RPA1: variants seen among roughly 807,000 people sequenced by gnomAD.
RPA1 encodes the protein replication protein A1, also known as replication protein A 70 kDa DNA-binding subunit.
In RPA1, 49 loss-of-function variants were observed where a neutral mutation model predicts 83.0. That is an observed-to-expected ratio of 0.59 (90% confidence interval 0.47 to 0.75). The LOEUF (loss-of-function observed/expected upper bound fraction) is 0.75, where lower values mean the gene tolerates loss of function less well. RPA1 is among the 30% of genes least tolerant of loss of function. RPA1 has a pLI of 0.00. For missense variants in RPA1, 693 were observed against 776.1 expected, an observed-to-expected ratio of 0.89 and a Z score of 1.27; for synonymous variants, 279 against 281.8, an observed-to-expected ratio of 0.99 and a Z score of 0.10.
At chr17:1,853,225 G>A in intron 5 of RPA1, 36 bp downstream of exon 5, 1 of 1,438,456 alleles carries the variant, frequency 7.0e-7, no homozygotes, top group Non-Finnish European at 9.8e-7. Context: ...GCACTCAAAT[G>A]AATACCTCTT....
chr17:1,850,600 TA>T (rs936475112), intron 4 of RPA1, among the ~76,000 whole-genome samples: 3 of 145,224 alleles, frequency 2.1e-5, no homozygotes, highest in East Asian at 2.1e-4. Flanking sequence ...AATCCTGCCT[TA>T]AAAAAAAATC....
chr17:1,885,498 G>T (rs1305252210), intron 13 of RPA1, among the ~76,000 whole-genome samples: 2 of 151,998 alleles, frequency 1.3e-5, no homozygotes, highest in Non-Finnish European at 2.9e-5. Flanking sequence ...TTGAGACAGG[G>T]TCTCATTCTG....
chr17:1,889,269 T>G (rs1457735960), intron 14 of RPA1, among the ~76,000 whole-genome samples: 3 of 152,178 alleles, frequency 2.0e-5, no homozygotes, highest in African/African-American at 7.2e-5. Context: ...TTTTTTGCAT[T>G]TTAAGAATTG....
chr17:1,835,169 C>CAA (rs1379600911), intron 1 of RPA1, among the ~76,000 whole-genome samples: 1 of 151,822 alleles, frequency 6.6e-6, no homozygotes, highest in Non-Finnish European at 1.5e-5. Flanking sequence ...TTTTAAATGA[C>CAA]AGAGTCTTGT....
At chr17:1,833,643 T>C (rs963326081) in intron 1 of RPA1, among the ~76,000 whole-genome samples, 2 of 151,522 alleles carry the variant, frequency 1.3e-5, no homozygotes, top group Admixed American at 1.3e-4. Flanking sequence ...TCACCTGAGA[T>C]TGGGAGTTTG....
At chr17:1,889,857 G>A (rs926529287) in intron 14 of RPA1, among the ~76,000 whole-genome samples, 4 of 151,692 alleles carry the variant, frequency 2.6e-5, no homozygotes, top group African/African-American at 4.8e-5. Context: ...AAAATTAGCC[G>A]GGCGTGGTGG....
chr17:1,872,442 CAGCCGCA>C lies in RPA1; in HGVS notation c.373_379del (p.Pro125Ter), dbSNP rs769917596. 1.9e-6 allele frequency: 3 copies of C among 1,613,850 alleles called. No homozygotes were observed. The Admixed American group carries it at 5.0e-5, about 27-fold the overall frequency. ...TCCCTTTTGATCTTCAGGACTCGGG[CAGCCGCA>C]AGTAGCTCCTCCAGCGCCAGCAGCC... On this transcript the variant is annotated frameshift_variant, in exon 6 of 17. Transcript: ENST00000254719. LOFTEE classifies it high-confidence loss of function.
rs993353195 is a variant in RPA1 at position 1,834,177 on chromosome 17, C to CA, written c.33+4060dup. Among the ~76,000 whole-genome samples the CA allele has an allele frequency of 9.7e-4, 145 of 149,486 alleles. 1 individual carries two copies. Among genetic ancestry groups the CA allele is most frequent in the African/African-American group, 3.2e-3 (129 of 40,796 alleles). ...ACTGGGCGACAGAGTGAGACTGTCT[C>CA]AAAAAAAAATAAAGAATGATCATGG... On this transcript the variant is annotated intron_variant, in intron 1 of 16. Transcript: ENST00000254719.
Position 1,842,795 on chromosome 17 carries a change from T to A in RPA1, c.34-8T>A. ...GTATCTCACACAAACCTGTTTTTAC[T>A]CCCTCAGGCCATCATGCAGAAGGGG... On this transcript the variant is annotated splice_region_variant and splice_polypyrimidine_tract_variant and intron_variant, in intron 1 of 16. Coordinates refer to ENST00000254719, the MANE Select transcript of RPA1 (RefSeq NM_002945.5). The A allele has an allele frequency of 6.2e-7, 1 of 1,613,870 alleles. No individual in the cohort carries two copies. The highest frequency in any genetic ancestry group is 1.3e-5 in the African/African-American group (1 of 75,030).
chr17:1,869,059 C>G (rs1056950452), intron 5 of RPA1, among the ~76,000 whole-genome samples: 1 of 152,192 alleles, frequency 6.6e-6, no homozygotes, highest in African/African-American at 2.4e-5. Context: ...TGGATTGACT[C>G]TTCTACATAT....
intron 5 of RPA1, among the ~76,000 whole-genome samples, chr17:1,863,052 C>T (rs1913045366): frequency 6.6e-6 from 1 of 151,248 alleles, no homozygotes; most frequent in Non-Finnish European, 1.5e-5. Context: ...GAGACAGGTT[C>T]TTGCTTTGCC....
At chr17:1,876,765 T>C (rs1913590614) in intron 7 of RPA1, among the ~76,000 whole-genome samples, 3 of 152,238 alleles carry the variant, frequency 2.0e-5, no homozygotes, top group Non-Finnish European at 4.4e-5. Context: ...TTCAGTGTGT[T>C]CTTCCTGATG....
chr17:1,883,555 G>A (rs2151288919), intron 12 of RPA1, among the ~76,000 whole-genome samples: 1 of 152,248 alleles, frequency 6.6e-6, no homozygotes, highest in South Asian at 2.1e-4. Flanking sequence ...GGTCAAAGCT[G>A]CCTTGAGCCA....
At chr17:1,865,353 G>C (rs563387948) in intron 5 of RPA1, among the ~76,000 whole-genome samples, 2 of 152,242 alleles carry the variant, frequency 1.3e-5, no homozygotes, top group Middle Eastern at 3.4e-3. Flanking sequence ...TACATAGATC[G>C]TGTGAGTGAG....
At position 1,862,662 on chromosome 17, in the gene RPA1, G is replaced by A. The variant is rs140360017; in HGVS notation, c.361+9473G>A. ...TCGATCCCCTGACCTCAAGTGATCCGCCCACCTTGACCTCCTAAAGTGCTA... is the reference window on the plus strand; with the variant it reads ...TCGATCCCCTGACCTCAAGTGATCCACCCACCTTGACCTCCTAAAGTGCTA... On this transcript the variant is annotated intron_variant, in intron 5 of 16. Coordinates refer to ENST00000254719, the MANE Select transcript of RPA1 (RefSeq NM_002945.5). 3.5e-4 allele frequency among the ~76,000 whole-genome samples: 49 copies of A among 140,302 alleles called. No homozygotes were observed. The East Asian group carries it at 9.3e-3, about 27-fold the overall frequency. 92.0% of individuals were successfully genotyped at this position (140,302 alleles called of 152,430 possible).
intron 6 of RPA1, among the ~76,000 whole-genome samples, chr17:1,873,210 G>A (rs780927034): frequency 6.6e-6 from 1 of 152,082 alleles, no homozygotes; most frequent in Non-Finnish European, 1.5e-5. Context: ...GGTGTTTATC[G>A]TTTGCTTGAA....
Position 1,897,801 on chromosome 17 carries a change from A to G in RPA1, c.*626A>G, listed in dbSNP as rs987444372. ...ATAGACTGAGTCAGATGGGTCTGAT[A>G]TTAATCAAAATTGTCTCTTCTGAGG... On this transcript the variant is annotated 3_prime_UTR_variant, in exon 17 of 17. Coordinates refer to ENST00000254719, the MANE Select transcript of RPA1 (RefSeq NM_002945.5). The G allele has an allele frequency of 3.3e-5, 5 of 152,998 alleles. No individual in the cohort carries two copies. Among genetic ancestry groups the G allele is most frequent in the African/African-American group, 9.6e-5 (4 of 41,592 alleles). 9.5% of individuals were successfully genotyped at this position (152,998 alleles called of 1,614,324 possible).
chr17:1,838,201 G>C (rs1287389372), intron 1 of RPA1, among the ~76,000 whole-genome samples: 1 of 152,032 alleles, frequency 6.6e-6, no homozygotes, highest in East Asian at 1.9e-4. Flanking sequence ...TGAGGCGGGA[G>C]AATGGCGTGA....
intron 13 of RPA1, 100 bp from the exon 14 acceptor site, chr17:1,888,575 A>G: frequency 8.6e-7 from 1 of 1,161,624 alleles, no homozygotes; most frequent in Non-Finnish European, 1.2e-6. Flanking sequence ...ATGTAGAAAC[A>G]CTTACCACCT....
Sources: allele counts gnomAD v4.1 joint callset (sites outside exome capture counted in the v4.1 genomes callset), GRCh38; gene constraint gnomAD v4.1.1; transcripts MANE v1.5; gene names NCBI Gene and HGNC (gene_info 2026-07-23, HGNC 2026-07-21).